Variants in FILIP1L observed in about 807,000 individuals in gnomAD.
FILIP1L encodes the protein filamin A interacting protein 1 like, also known as filamin A-interacting protein 1-like.
In FILIP1L, 55 loss-of-function variants were observed where a neutral mutation model predicts 96.6. The ratio of observed to expected loss-of-function variants is 0.57; its 90% CI spans 0.46 to 0.71. The LOEUF (loss-of-function observed/expected upper bound fraction) is 0.71, where lower values mean the gene tolerates loss of function less well. Ranked by LOEUF, FILIP1L falls within the 30% of genes least tolerant of loss-of-function variation. FILIP1L has a pLI of 0.00. For synonymous variants in FILIP1L, 467 were observed against 473.9 expected, an observed-to-expected ratio of 0.99 and a Z score of 0.19; for missense variants, 1,304 against 1,321.2, an observed-to-expected ratio of 0.99 and a Z score of 0.20.
intron 1 of FILIP1L, among the ~76,000 whole-genome samples, chr3:99,977,447 G>C (rs902342285): frequency 1.3e-5 from 2 of 152,166 alleles, no homozygotes; most frequent in Non-Finnish European, 1.5e-5. Context: ...ATGGGCAATA[G>C]AAGTGGAGTC....
intron 1 of FILIP1L, chr3:100,075,475 A>G (rs191704784): frequency 2.6e-5 from 4 of 152,076 alleles, no homozygotes; most frequent in East Asian, 3.9e-4. Flanking sequence ...TTGCATTTTT[A>G]TAAGTTCTCT....
At chr3:100,018,015 G>T (rs1669735573) in intron 1 of FILIP1L, among the ~76,000 whole-genome samples, 1 of 152,028 alleles carries the variant, frequency 6.6e-6, no homozygotes, top group Non-Finnish European at 1.5e-5. Context: ...TTTTTAAGTT[G>T]TGCACAGTGA....
chr3:100,063,704 G>A (rs1163722862), intron 1 of FILIP1L, among the ~76,000 whole-genome samples: 2 of 151,076 alleles, frequency 1.3e-5, no homozygotes, highest in African/African-American at 4.8e-5. Context: ...TGTGTGTTGG[G>A]TTTTTTTCTA....
intron 4 of FILIP1L, among the ~76,000 whole-genome samples, chr3:99,853,188 T>C (rs767356009): frequency 6.6e-6 from 1 of 152,194 alleles, no homozygotes; most frequent in Non-Finnish European, 1.5e-5. Flanking sequence ...GCTTTGGTGG[T>C]GAAATAGTTA....
intron 1 of FILIP1L, among the ~76,000 whole-genome samples, chr3:99,994,248 A>G (rs975900576): frequency 7.2e-5 from 11 of 152,230 alleles, no homozygotes; most frequent in Non-Finnish European, 1.5e-4. Context: ...AAAGATTACT[A>G]GACCTAAAGA....
At chr3:100,073,519 C>G (rs2065796029) in intron 1 of FILIP1L, among the ~76,000 whole-genome samples, 1 of 152,160 alleles carries the variant, frequency 6.6e-6, no homozygotes, top group African/African-American at 2.4e-5. Context: ...AAACAGAAAT[C>G]TTGAGGTTTT....
At chr3:99,935,694 C>T (rs996132863) in intron 1 of FILIP1L, among the ~76,000 whole-genome samples, 6 of 152,152 alleles carry the variant, frequency 3.9e-5, no homozygotes, top group Admixed American at 2.0e-4. Context: ...CGGGATTTCC[C>T]GCTTTAGAAT....
At chr3:99,901,408 T>C (rs793463) in intron 4 of FILIP1L, among the ~76,000 whole-genome samples, 40,357 of 152,082 alleles carry the variant, frequency 0.27, 6,069 homozygotes, top group Admixed American at 0.34. Flanking sequence ...TCATTTTAGC[T>C]CATGTCAAAA....
chr3:99,888,806 C>CA (rs771320873), intron 4 of FILIP1L, among the ~76,000 whole-genome samples: 11 of 152,050 alleles, frequency 7.2e-5, no homozygotes, highest in Non-Finnish European at 1.2e-4. Flanking sequence ...AATTTCCTTG[C>CA]AAAAAAATAA....
At chr3:100,053,887 T>C (rs1192823794) in intron 1 of FILIP1L, among the ~76,000 whole-genome samples, 2 of 152,236 alleles carry the variant, frequency 1.3e-5, no homozygotes, top group Non-Finnish European at 2.9e-5. Context: ...ATTATTCATA[T>C]GCAGCTTCCT....
chr3:99,868,639 A>C (rs1042172058), intron 4 of FILIP1L, among the ~76,000 whole-genome samples: 2 of 152,186 alleles, frequency 1.3e-5, no homozygotes, highest in African/African-American at 2.4e-5. Context: ...TGGGTTTTTA[A>C]ACTTACAGTT....
rs116779530 is a variant in FILIP1L, at chr3:100,111,433, A to G, written c.-11+2620T>C. Reference sequence around the variant, plus strand: ...AAAACTTAGTTTATCTATCTGCTGAACAGGGAATGGTAATACCTGCCTTTC... The same window carrying G: ...AAAACTTAGTTTATCTATCTGCTGAGCAGGGAATGGTAATACCTGCCTTTC... On this transcript the variant is annotated intron_variant, in intron 1 of 5. Transcript: ENST00000477258. Among the ~76,000 whole-genome samples, 690 of 152,330 alleles carry G rather than the reference A, an allele frequency of 4.5e-3. 6 individuals are homozygous for G. Among genetic ancestry groups the G allele is most frequent in the African/African-American group, 0.016 (675 of 41,586 alleles).
chr3:99,961,648 C>T (rs1708494523), intron 1 of FILIP1L, among the ~76,000 whole-genome samples: 1 of 152,106 alleles, frequency 6.6e-6, no homozygotes, highest in African/African-American at 2.4e-5. Context: ...ACCTTTGGCC[C>T]TGGTGCCTCT....
intron 1 of FILIP1L, among the ~76,000 whole-genome samples, chr3:100,050,083 A>G (rs1247378346): frequency 1.3e-5 from 2 of 152,196 alleles, no homozygotes; most frequent in African/African-American, 4.8e-5. Context: ...TTTTTTAATC[A>G]CACAGACTCA....
intron 1 of FILIP1L, among the ~76,000 whole-genome samples, chr3:100,100,493 A>G (rs556911276): frequency 5.9e-5 from 9 of 152,318 alleles, no homozygotes; most frequent in Non-Finnish European, 2.9e-5. Flanking sequence ...CAGCAAGTCC[A>G]CATTTGAATC....
At chr3:100,023,003 G>T (rs1395082865) in intron 1 of FILIP1L, among the ~76,000 whole-genome samples, 1 of 152,100 alleles carries the variant, frequency 6.6e-6, no homozygotes, top group Non-Finnish European at 1.5e-5. Context: ...ATTTTTGCCT[G>T]CTGTTAGAGT....
At chr3:99,852,302 C>T (rs748918965) in intron 4 of FILIP1L, among the ~76,000 whole-genome samples, 1 of 152,138 alleles carries the variant, frequency 6.6e-6, no homozygotes, top group Non-Finnish European at 1.5e-5. Context: ...TACTTACATT[C>T]TGATAGGTAT....
chr3:99,925,302 A>G (rs1436096979), intron 3 of FILIP1L, among the ~76,000 whole-genome samples: 1 of 152,206 alleles, frequency 6.6e-6, no homozygotes, highest in African/African-American at 2.4e-5. Context: ...CTATACTTAC[A>G]TCTTTTTTAC....
At chr3:99,968,819 C>A (rs1174476328) in intron 1 of FILIP1L, among the ~76,000 whole-genome samples, 1 of 152,082 alleles carries the variant, frequency 6.6e-6, no homozygotes, top group Admixed American at 6.5e-5. Context: ...GTGGCCAGGG[C>A]AGAATGACAT....
Sources: allele counts gnomAD v4.1 joint callset (sites outside exome capture counted in the v4.1 genomes callset), GRCh38; gene constraint gnomAD v4.1.1; transcripts MANE v1.5; gene names NCBI Gene and HGNC (gene_info 2026-07-23, HGNC 2026-07-21).